The following MYOF variants were observed in gnomAD, a reference collection of about 807,000 sequenced individuals.
MYOF encodes fer-1-like 3, myoferlin.
MYOF carries 244 observed loss-of-function variants against 284.2 expected under a neutral mutation model. That is an observed-to-expected ratio of 0.86 (90% CI 0.77 to 0.95). The LOEUF is 0.95. Ranked by LOEUF, MYOF falls within the 40% of genes least tolerant of loss-of-function variation. The pLI is 0.00. For missense variants in MYOF, 2,496 were observed against 2,560.6 expected (o/e 0.97, Z 0.54); for synonymous variants, 904 against 919.7 (o/e 0.98, Z 0.31).
rs142030025 is a variant in MYOF, at chr10:93,378,681, A to ATGTGTGTGTGTG, written c.2001+1170_2001+1181dup. ...AGTATATGTGTATATGTGTGTGTGTATGTGTGTGTGTGTATATATATATAT... is the reference window on the plus strand; with the variant it reads ...AGTATATGTGTATATGTGTGTGTGTATGTGTGTGTGTGTGTGTGTGTGTGTATATATATATAT... On this transcript the variant is annotated intron_variant, in intron 21 of 53. Coordinates refer to ENST00000359263, the MANE Select transcript of MYOF (RefSeq NM_013451.4). Among the ~76,000 whole-genome samples, 146 of 99,312 alleles carry ATGTGTGTGTGTG rather than the reference A, an allele frequency of 1.5e-3. 6 individuals carry two copies. The highest frequency in any genetic ancestry group is 9.2e-3 in the Middle Eastern group (2 of 218). The allele number at this position is 99,312 out of a possible 152,430, so 65.2% of individuals were successfully genotyped here. A position where few individuals can be genotyped will look rare whatever the true frequency, so the allele number is the denominator to read the frequency against.
At chr10:93,423,484 C>A (rs1848439628) in intron 5 of MYOF, among the ~76,000 whole-genome samples, 1 of 139,284 alleles carries the variant, frequency 7.2e-6, no homozygotes, top group Admixed American at 7.5e-5. Context: ...TGAGACTGCA[C>A]CACTGCACTC....
chr10:93,386,080 C>T (rs992507566), intron 19 of MYOF, among the ~76,000 whole-genome samples: 2 of 152,192 alleles, frequency 1.3e-5, no homozygotes, highest in East Asian at 1.9e-4. Context: ...AAAAGAGGTA[C>T]TATAATGGTT....
chr10:93,310,458 C>G (rs1842330400), intron 52 of MYOF, 76 bp downstream of exon 52: 4 of 1,426,408 alleles, frequency 2.8e-6, no homozygotes, highest in Non-Finnish European at 3.9e-6. Context: ...GCTAATCCAT[C>G]CCATTAAGCC....
chr10:93,454,907 A>T (rs2056697139), intron 2 of MYOF, among the ~76,000 whole-genome samples: 1 of 147,144 alleles, frequency 6.8e-6, no homozygotes. Flanking sequence ...TGGCCCTGGG[A>T]GATCGAGGCT....
chr10:93,387,835 GC>G lies in MYOF; in HGVS notation c.1659del (p.Lys553AsnfsTer91). Reference protein sequence around the residue: ...TFLEKTPPDKKLEPISNDDLL... With the variant: ...TFLEKTPPDKXLEPISNDDLL... ...AGGTCATCATTTGAAATGGGCTCAA[GC>G]TTTTTATCTGGTGGTGTCTTCTCAA... On this transcript the variant is annotated frameshift_variant, in exon 19 of 54. Coordinates refer to ENST00000359263, the MANE Select transcript of MYOF (RefSeq NM_013451.4). LOFTEE classifies it high-confidence loss of function. The G allele has an allele frequency of 6.2e-7, 1 of 1,614,086 alleles. No individual in the cohort carries two copies. Among genetic ancestry groups the G allele is most frequent in the Non-Finnish European group, 8.5e-7 (1 of 1,180,014 alleles).
Position 93,406,805 on chromosome 10 carries a change from C to T in MYOF, c.729+1982G>A, listed in dbSNP as rs532466661. ...GAACGAAGAGGAAGAAATAGAAACGCGGCATAGAAGAAATCATTTCTTTTC... is the reference window on the plus strand; with the variant it reads ...GAACGAAGAGGAAGAAATAGAAACGTGGCATAGAAGAAATCATTTCTTTTC... On this transcript the variant is annotated intron_variant, in intron 7 of 53. Coordinates refer to ENST00000359263, the MANE Select transcript of MYOF (RefSeq NM_013451.4). Among the ~76,000 whole-genome samples, 374 of 151,664 alleles carry T rather than the reference C, an allele frequency of 2.5e-3. 4 individuals carry two copies. Among genetic ancestry groups the T allele is most frequent in the Admixed American group, 0.023 (347 of 15,268 alleles).
chr10:93,369,595 T>C, intron 25 of MYOF, 50 bp downstream of exon 25: 1 of 1,607,324 alleles, frequency 6.2e-7, no homozygotes, highest in Non-Finnish European at 8.5e-7. Flanking sequence ...AAAGTAAAAG[T>C]GCCCCTCCCC....
chr10:93,398,735 C>T (rs972676239), intron 13 of MYOF, among the ~76,000 whole-genome samples: 3 of 151,654 alleles, frequency 2.0e-5, no homozygotes, highest in African/African-American at 7.3e-5. Context: ...TGTGGTTTGC[C>T]GAATCTTGCT....
intron 39 of MYOF, among the ~76,000 whole-genome samples, chr10:93,339,379 G>A (rs1006752839): frequency 8.5e-5 from 13 of 152,148 alleles, no homozygotes; most frequent in Admixed American, 1.3e-4. Flanking sequence ...GTGTGTGTGT[G>A]TGTGTGTGTG....
At chr10:93,476,717 C>G (rs896447677) in intron 1 of MYOF, among the ~76,000 whole-genome samples, 7 of 152,160 alleles carry the variant, frequency 4.6e-5, no homozygotes, top group African/African-American at 1.7e-4. Context: ...GAAAAAAGGA[C>G]TCTCTGAGAG....
chr10:93,467,897 G>A (rs1278396630), intron 1 of MYOF, among the ~76,000 whole-genome samples: 1 of 152,210 alleles, frequency 6.6e-6, no homozygotes, highest in Non-Finnish European at 1.5e-5. Context: ...GGCAGAGGGT[G>A]CCAGGCGACC....
At position 93,409,619 on chromosome 10, in the gene MYOF, A is replaced by G; in HGVS notation, c.554T>C (p.Val185Ala). The G allele has an allele frequency of 6.2e-7, 1 of 1,614,168 alleles. No individual in the cohort carries two copies. Among genetic ancestry groups the G allele is most frequent in the South Asian group, 1.1e-5 (1 of 91,084 alleles). Reference protein sequence around the residue: ...EAQLARRLTKVKNSRRMLSNK... With the variant: ...EAQLARRLTKAKNSRRMLSNK... ...TGACAGCATCCGCCGGCTGTTCTTT[A>G]CTTTGGTGAGCCTCCGAGCAAGCTG... Residue 185 changes from valine (V) to alanine (A), a missense_variant, in exon 6 of 54, where the codon GTA becomes GCA. By Grantham distance (64) the Val-to-Ala change is moderately conservative. Transcript: ENST00000359263.
chr10:93,461,624 G>A (rs1311989413), intron 1 of MYOF, among the ~76,000 whole-genome samples: 2 of 152,154 alleles, frequency 1.3e-5, no homozygotes, highest in Non-Finnish European at 2.9e-5. Context: ...GGGTGGATCA[G>A]GCATGGAGGA....
chr10:93,431,028 T>TC (rs770294759), intron 4 of MYOF, among the ~76,000 whole-genome samples: 18,630 of 148,364 alleles, frequency 0.13, 1,034 homozygotes, highest in Middle Eastern at 0.19. Flanking sequence ...TCTTTTCTTT[T>TC]TTTTTTTTTT....
chr10:93,352,336 T>C (rs954111677), intron 32 of MYOF, among the ~76,000 whole-genome samples: 3 of 152,344 alleles, frequency 2.0e-5, no homozygotes, highest in South Asian at 2.1e-4. Context: ...GCCTGTCCTA[T>C]AGGAAGTATC....
chr10:93,404,038 C>G lies in MYOF; in HGVS notation c.828G>C (p.Leu276=). 1.2e-6 allele frequency: 2 copies of G among 1,614,100 alleles called. No individual in the cohort carries two copies. Among genetic ancestry groups the G allele is most frequent in the South Asian group, 2.2e-5 (2 of 91,074 alleles). Residue 276 remains leucine, a synonymous_variant, in exon 9 of 54, where the codon CTG becomes CTC. Coordinates refer to ENST00000359263, the MANE Select transcript of MYOF (RefSeq NM_013451.4). ...YNSHSLRADC[L]MGEFKIDVGF... ...TGTCACTCACCTTAAATTCCCCCAT[C>G]AGACAATCTGCCCGCAGAGAGTGAG...
chr10:93,356,767 A>G lies in MYOF; in HGVS notation c.3202T>C (p.Ser1068Pro). ...CAGCGTCTGCGGCGGAAGGTATCTGAACTACGTTGTTTCCAGTGAAATTTC... is the reference window on the plus strand; with the variant it reads ...CAGCGTCTGCGGCGGAAGGTATCTGGACTACGTTGTTTCCAGTGAAATTTC... ...GWKFHWKQRS[S>P]DTFRRRRWRR... Residue 1068 changes from serine to proline, a missense_variant, in exon 30 of 54, where the codon TCA becomes CCA. By Grantham distance (74) the Ser-to-Pro change is moderately conservative. Around this residue, in one of 3 missense-constraint regions of MYOF, gnomAD observed 2,436 missense variants for 2,480.7 expected, o/e 0.98. Coordinates refer to ENST00000359263, the MANE Select transcript of MYOF (RefSeq NM_013451.4). 1 of 1,614,146 alleles carries G rather than the reference A, an allele frequency of 6.2e-7. No homozygotes were observed. Among genetic ancestry groups the G allele is most frequent in the Non-Finnish European group, 8.5e-7 (1 of 1,180,004 alleles).
At chr10:93,310,978 C>G (rs1842356610) in intron 51 of MYOF, among the ~76,000 whole-genome samples, 1 of 152,168 alleles carries the variant, frequency 6.6e-6, no homozygotes, top group Admixed American at 6.5e-5. Context: ...CTGAATACCA[C>G]TAATAACAAT....
intron 21 of MYOF, among the ~76,000 whole-genome samples, chr10:93,379,198 G>A (rs1845999183): frequency 1.3e-5 from 2 of 152,084 alleles, no homozygotes; most frequent in African/African-American, 2.4e-5. Flanking sequence ...AGCAAGAGTG[G>A]AATGTGTCAG....
Sources: allele counts gnomAD v4.1 joint callset (sites outside exome capture counted in the v4.1 genomes callset), GRCh38; gene constraint gnomAD v4.1.1; regional missense constraint gnomAD v4.1.1; transcripts MANE v1.5; gene names NCBI Gene and HGNC (gene_info 2026-07-23, HGNC 2026-07-21).